Variants in WDR49 observed in about 807,000 individuals in gnomAD.
The protein encoded by WDR49 is cilia- and flagella-associated protein 337.
In WDR49, 107 loss-of-function variants were observed where a neutral mutation model predicts 119.5. That is an observed-to-expected ratio of 0.90 (90% CI 0.77 to 1.05). The LOEUF (loss-of-function observed/expected upper bound fraction) is 1.05, where lower values mean the gene tolerates loss of function less well. Ranked by LOEUF, WDR49 falls within the 50% of genes least tolerant of loss-of-function variation. The probability of loss-of-function intolerance (pLI) is 0.00; values close to 1 mark genes in which losing one functional copy is unlikely to be tolerated. For synonymous variants in WDR49, 425 were observed against 418.8 expected (o/e 1.01, Z -0.18); for missense variants, 1,240 against 1,220.5 (o/e 1.02, Z -0.24).
intron 7 of WDR49, among the ~76,000 whole-genome samples, chr3:167,583,578 GC>G (rs1714662019): frequency 6.6e-6 from 1 of 152,054 alleles, no homozygotes; most frequent in South Asian, 2.1e-4. Context: ...GCCTTGCTGG[GC>G]CTTCAGGGAG....
At chr3:167,509,042 TG>T (rs769347111) in intron 16 of WDR49, among the ~76,000 whole-genome samples, 4 of 152,212 alleles carry the variant, frequency 2.6e-5, no homozygotes, top group Non-Finnish European at 5.9e-5. Context: ...AACATTAATT[TG>T]AGGTGTGCCC....
intron 16 of WDR49, among the ~76,000 whole-genome samples, chr3:167,513,359 T>A (rs1431467552): frequency 6.6e-6 from 1 of 152,032 alleles, no homozygotes; most frequent in Non-Finnish European, 1.5e-5. Flanking sequence ...CAAACCAAAC[T>A]AAGCTTAATA....
At chr3:167,506,911 T>C (rs1342920158) in intron 16 of WDR49, among the ~76,000 whole-genome samples, 1 of 152,174 alleles carries the variant, frequency 6.6e-6, no homozygotes, top group Non-Finnish European at 1.5e-5. Context: ...ATTCTTCTCA[T>C]GGTGAGACTG....
chr3:167,611,099 C>T (rs1292218633), intron 5 of WDR49, among the ~76,000 whole-genome samples: 2 of 152,092 alleles, frequency 1.3e-5, no homozygotes, highest in African/African-American at 2.4e-5. Context: ...AATAGAAAGA[C>T]TAAATGATGA....
chr3:167,555,414 T>G (rs935506222), intron 9 of WDR49, among the ~76,000 whole-genome samples: 1 of 152,288 alleles, frequency 6.6e-6, no homozygotes, highest in Middle Eastern at 3.4e-3. Context: ...AATGAATACA[T>G]GTAAGTCAAG....
chr3:167,547,360 T>C (rs902435536), intron 10 of WDR49, among the ~76,000 whole-genome samples: 7 of 151,810 alleles, frequency 4.6e-5, no homozygotes, highest in African/African-American at 1.7e-4. Flanking sequence ...ATAAATAAAA[T>C]TGTCAGAATC....
At chr3:167,486,280 C>T (rs1750913801) in intron 18 of WDR49, among the ~76,000 whole-genome samples, 1 of 152,006 alleles carries the variant, frequency 6.6e-6, no homozygotes, top group South Asian at 2.1e-4. Context: ...AAAAGAGCAA[C>T]ACCTACTACC....
At chr3:167,638,715 C>T (rs1717733965) in intron 2 of WDR49, among the ~76,000 whole-genome samples, 1 of 151,502 alleles carries the variant, frequency 6.6e-6, no homozygotes, top group Admixed American at 6.6e-5. Flanking sequence ...GTCCATAGCG[C>T]TCTTTTTTTC....
At chr3:167,531,055 A>C in intron 13 of WDR49, 60 bp downstream of exon 13, 1 of 1,540,618 alleles carries the variant, frequency 6.5e-7, no homozygotes, top group Non-Finnish European at 8.8e-7. Context: ...GTAGAAATAG[A>C]TTGGATTTTC....
intron 10 of WDR49, among the ~76,000 whole-genome samples, chr3:167,548,260 T>G (rs1038112988): frequency 1.3e-5 from 2 of 152,026 alleles, no homozygotes; most frequent in African/African-American, 4.8e-5. Flanking sequence ...CTGAAATAAC[T>G]GACATTCTCC....
chr3:167,485,985 A>AT (rs1693215815), intron 18 of WDR49, among the ~76,000 whole-genome samples: 1 of 152,102 alleles, frequency 6.6e-6, no homozygotes, highest in Non-Finnish European at 1.5e-5. Context: ...AAGAAAAAAA[A>AT]AAGGCAGTTA....
intron 5 of WDR49, 92 bp from the exon 6 acceptor site, chr3:167,604,560 A>T: frequency 1.6e-6 from 2 of 1,265,876 alleles, no homozygotes; most frequent in South Asian, 3.4e-5. Context: ...GAAAGTTAAA[A>T]ATTAAACTCA....
intron 15 of WDR49, among the ~76,000 whole-genome samples, chr3:167,526,564 G>A (rs1428576810): frequency 6.6e-6 from 1 of 152,134 alleles, no homozygotes; most frequent in Non-Finnish European, 1.5e-5. Flanking sequence ...GCCTGTATGA[G>A]TTCCCACTTA....
At chr3:167,561,621 G>A (rs553660689) in intron 8 of WDR49, among the ~76,000 whole-genome samples, 1 of 152,250 alleles carries the variant, frequency 6.6e-6, no homozygotes, top group East Asian at 1.9e-4. Flanking sequence ...GAGTGGAGGA[G>A]CAAGGGGCAA....
At chr3:167,561,250 A>G (rs1166421048) in intron 8 of WDR49, among the ~76,000 whole-genome samples, 2 of 152,182 alleles carry the variant, frequency 1.3e-5, no homozygotes, top group South Asian at 2.1e-4. Flanking sequence ...AGCCACTTGC[A>G]TAACATCCAG....
At chr3:167,639,848 A>G (rs890337104) in intron 2 of WDR49, among the ~76,000 whole-genome samples, 2 of 151,724 alleles carry the variant, frequency 1.3e-5, no homozygotes, top group Middle Eastern at 3.2e-3. Flanking sequence ...CAGCATTGGA[A>G]AAGCATCCTC....
At chr3:167,591,661 T>G (rs1170370967) in intron 7 of WDR49, among the ~76,000 whole-genome samples, 1 of 152,172 alleles carries the variant, frequency 6.6e-6, no homozygotes, top group Admixed American at 6.5e-5. Context: ...TAATGATTTC[T>G]TTGTCCCTTA....
intron 8 of WDR49, among the ~76,000 whole-genome samples, chr3:167,571,916 C>G (rs1402073341): frequency 6.6e-6 from 1 of 152,168 alleles, no homozygotes; most frequent in Non-Finnish European, 1.5e-5. Flanking sequence ...AGGTTCCCAA[C>G]AAACTGAAAC....
chr3:167,648,311 C>T (rs1312934699), intron 2 of WDR49, among the ~76,000 whole-genome samples: 1 of 151,972 alleles, frequency 6.6e-6, no homozygotes, highest in African/African-American at 2.4e-5. Flanking sequence ...CACTGATTTC[C>T]AGAAAGAATT....
Sources: allele counts gnomAD v4.1 joint callset (sites outside exome capture counted in the v4.1 genomes callset), GRCh38; gene constraint gnomAD v4.1.1; transcripts MANE v1.5; gene names NCBI Gene and HGNC (gene_info 2026-07-23, HGNC 2026-07-21).